Variants in PTPRD observed in about 807,000 individuals in gnomAD.
PTPRD encodes protein tyrosine phosphatase receptor type D.
PTPRD carries 34 observed loss-of-function variants against 214.5 expected under a neutral mutation model. That is an observed-to-expected ratio of 0.16 (90% confidence interval 0.12 to 0.21). The LOEUF (loss-of-function observed/expected upper bound fraction) is 0.21, where lower values mean the gene tolerates loss of function less well. Ranked by LOEUF, PTPRD falls within the 10% of genes least tolerant of loss-of-function variation. The pLI, the probability that PTPRD is intolerant of heterozygous loss-of-function variation, is 1.00. For synonymous variants in PTPRD, 1,128 were observed against 845.7 expected (o/e 1.33, Z -5.79); for missense variants, 2,545 against 2,398.7 (o/e 1.06, Z -1.27).
intron 9 of PTPRD, among the ~76,000 whole-genome samples, chr9:9,270,015 T>C (rs1035905149): frequency 6.0e-5 from 9 of 150,480 alleles, no homozygotes; most frequent in Admixed American, 3.3e-4. Context: ...TACTATATAA[T>C]ATTACTATAA....
At chr9:9,362,522 T>C (rs988757409) in intron 9 of PTPRD, among the ~76,000 whole-genome samples, 7 of 151,110 alleles carry the variant, frequency 4.6e-5, no homozygotes, top group Non-Finnish European at 7.4e-5. Flanking sequence ...ATTGTCAACA[T>C]TGTCAGAAAA....
At chr9:8,539,325 T>C (rs1346637478) in intron 14 of PTPRD, among the ~76,000 whole-genome samples, 2 of 151,986 alleles carry the variant, frequency 1.3e-5, no homozygotes, top group African/African-American at 4.8e-5. Flanking sequence ...ATTTGCAGTA[T>C]GCAATTAGAA....
intron 9 of PTPRD, among the ~76,000 whole-genome samples, chr9:9,226,281 G>A (rs1021715427): frequency 7.2e-5 from 11 of 151,776 alleles, no homozygotes; most frequent in Non-Finnish European, 1.6e-4. Context: ...GGACATGCTT[G>A]CTGGCCTCAG....
chr9:8,541,983 T>G (rs1180071206), intron 14 of PTPRD, among the ~76,000 whole-genome samples: 1 of 152,052 alleles, frequency 6.6e-6, no homozygotes, highest in Non-Finnish European at 1.5e-5. Flanking sequence ...TACCAAAAGT[T>G]ACATGAATGA....
Position 9,127,091 on chromosome 9 carries a change from C to A in PTPRD, c.-143+56213G>T, listed in dbSNP as rs376420266. Among the ~76,000 whole-genome samples, 7 of 151,814 alleles carry A rather than the reference C, an allele frequency of 4.6e-5. No homozygotes were observed. In the East Asian group the frequency reaches 9.7e-4, roughly 21 times the overall value. On this transcript the variant is annotated intron_variant, in intron 10 of 45. Coordinates refer to ENST00000381196, the MANE Select transcript of PTPRD (RefSeq NM_002839.4). ...CAGGTTGCCATCCCATTGCAAAGCA[C>A]ACTCACACACACATACACACACAGG...
intron 14 of PTPRD, among the ~76,000 whole-genome samples, chr9:8,543,307 A>C (rs1483827251): frequency 6.6e-6 from 1 of 152,230 alleles, no homozygotes. Context: ...ATTGACAACA[A>C]AAAAAGTTTT....
intron 14 of PTPRD, among the ~76,000 whole-genome samples, chr9:8,552,107 T>C (rs1308274639): frequency 6.6e-6 from 1 of 152,060 alleles, no homozygotes; most frequent in Non-Finnish European, 1.5e-5. Flanking sequence ...ACCTTGCTTT[T>C]TTCAGGCGAT....
chr9:8,802,412 TAGA>T (rs1358984216), intron 11 of PTPRD, among the ~76,000 whole-genome samples: 2 of 152,158 alleles, frequency 1.3e-5, no homozygotes, highest in South Asian at 2.1e-4. Context: ...GGCCCTCAAA[TAGA>T]AGAACATTCA....
intron 11 of PTPRD, among the ~76,000 whole-genome samples, chr9:8,919,043 T>C (rs2098806760): frequency 6.6e-6 from 1 of 152,126 alleles, no homozygotes; most frequent in South Asian, 2.1e-4. Context: ...TGCAGATCCT[T>C]TTTACCACTT....
At chr9:9,731,301 CATTT>C (rs1283915930) in intron 7 of PTPRD, among the ~76,000 whole-genome samples, 1 of 151,930 alleles carries the variant, frequency 6.6e-6, no homozygotes, top group Non-Finnish European at 1.5e-5. Flanking sequence ...TTTAATTTTA[CATTT>C]ATTTTCATTT....
rs73403021 is a variant in PTPRD, at chr9:9,448,417, C to T, written c.-236-50935G>A. On this transcript the variant is annotated intron_variant, in intron 8 of 45. Transcript: ENST00000381196. ...AGTTCTCATGAGATCTGATGGTTTC[C>T]TAAGTGTTTGCAAGTTCTTCCTTTG... is the stretch of plus-strand genomic sequence containing the variant. 9.9e-3 allele frequency among the ~76,000 whole-genome samples: 1,502 copies of T among 152,022 alleles called. 21 individuals carry two copies. Among genetic ancestry groups the T allele is most frequent in the African/African-American group, 0.034 (1,391 of 41,484 alleles).
intron 12 of PTPRD, among the ~76,000 whole-genome samples, chr9:8,643,728 T>C (rs2096627264): frequency 6.6e-6 from 1 of 152,184 alleles, no homozygotes; most frequent in Non-Finnish European, 1.5e-5. Flanking sequence ...CACCAGCCCC[T>C]TGCTGCCTCA....
intron 12 of PTPRD, among the ~76,000 whole-genome samples, chr9:8,693,215 C>G (rs2097845232): frequency 6.6e-6 from 1 of 152,180 alleles, no homozygotes; most frequent in Non-Finnish European, 1.5e-5. Context: ...CTATACTTTT[C>G]AAGCAGCTCT....
At chr9:9,132,635 C>T (rs1356312842) in intron 10 of PTPRD, among the ~76,000 whole-genome samples, 1 of 152,118 alleles carries the variant, frequency 6.6e-6, no homozygotes, top group Non-Finnish European at 1.5e-5. Flanking sequence ...AAGTCAGTCT[C>T]TTTCTAATTT....
At chr9:10,454,830 T>C (rs1361221286) in intron 2 of PTPRD, among the ~76,000 whole-genome samples, 24 of 150,340 alleles carry the variant, frequency 1.6e-4, no homozygotes, top group African/African-American at 4.2e-4. Flanking sequence ...CACACACACA[T>C]GCACATGCAC....
chr9:9,537,167 G>T, intron 8 of PTPRD, among the ~76,000 whole-genome samples: 1 of 151,922 alleles, frequency 6.6e-6, no homozygotes, highest in East Asian at 1.9e-4. Flanking sequence ...GAGTAAGAAG[G>T]TGGAGGGTTC....
At chr9:8,833,557 T>C (rs987019943) in intron 11 of PTPRD, among the ~76,000 whole-genome samples, 6 of 151,336 alleles carry the variant, frequency 4.0e-5, no homozygotes, top group Admixed American at 3.3e-4. Context: ...TTCTCACTTG[T>C]TAGGGCTGGA....
chr9:10,391,459 T>G (rs10809084), intron 2 of PTPRD, among the ~76,000 whole-genome samples: 129,545 of 151,676 alleles, frequency 0.85, 55,332 homozygotes, highest in East Asian at 0.89. Context: ...GAAACTTCAA[T>G]TATCACAAAG....
intron 3 of PTPRD, among the ~76,000 whole-genome samples, chr9:10,254,935 T>C (rs1188679548): frequency 6.6e-6 from 1 of 152,186 alleles, no homozygotes; most frequent in Non-Finnish European, 1.5e-5. Flanking sequence ...TCCAAATATA[T>C]ATTACAATTT....
Sources: gnomAD v4.1 joint callset for allele counts (sites outside exome capture counted in the v4.1 genomes callset) on GRCh38, gnomAD v4.1.1 for gene constraint, MANE v1.5 for transcripts, NCBI Gene and HGNC (gene_info 2026-07-23, HGNC 2026-07-21) for gene names.